Variants in RASGRF1 observed in about 807,000 individuals in gnomAD.
RASGRF1 encodes ras-specific guanine nucleotide-releasing factor 1.
RASGRF1 carries 40 observed loss-of-function variants against 138.7 expected under a neutral mutation model. The ratio of observed to expected loss-of-function variants is 0.29; its 90% confidence interval spans 0.22 to 0.38. RASGRF1 has a LOEUF of 0.38. RASGRF1 is among the 10% of genes least tolerant of loss of function. RASGRF1 has a pLI of 1.00. For missense variants in RASGRF1, 1,108 were observed against 1,650.4 expected (o/e 0.67, Z 5.69); for synonymous variants, 614 against 663.2 (o/e 0.93, Z 1.14).
intron 10 of RASGRF1, among the ~76,000 whole-genome samples, chr15:79,022,780 T>TC (rs2056979520): frequency 1.3e-5 from 2 of 152,224 alleles, no homozygotes; most frequent in South Asian, 4.1e-4. Context: ...AAGCAACATA[T>TC]TCCCTGAAGC....
intron 5 of RASGRF1, among the ~76,000 whole-genome samples, chr15:79,043,376 C>T (rs1324582068): frequency 6.6e-6 from 1 of 152,070 alleles, no homozygotes; most frequent in African/African-American, 2.4e-5. Flanking sequence ...GTGTTCCTTC[C>T]ATGTTATATT....
intron 23 of RASGRF1, chr15:78,984,598 ATCTGACGGAAGTGTCC>A (rs963860219): frequency 3.1e-5 from 8 of 254,004 alleles, no homozygotes; most frequent in Non-Finnish European, 5.5e-5. Flanking sequence ...TTGCAGGATC[ATCTGACGGAAGTGTCC>A]TCTGACGGAA....
At position 78,960,639 on chromosome 15, in the gene RASGRF1, C is replaced by T. The variant is rs1411061384; in HGVS notation, c.*1505G>A. The T allele has an allele frequency of 6.6e-6, 1 of 152,208 alleles. No homozygotes were observed. Among genetic ancestry groups the T allele is most frequent in the East Asian group, 1.9e-4 (1 of 5,204 alleles). The allele number at this position is 152,208 out of a possible 1,614,324, so 9.4% of individuals were successfully genotyped here. ...AGTGACTGAAACTTCATGAGAGACT[C>T]CAAATAAGAACTGACAGCTGGACCC... On this transcript the variant is annotated 3_prime_UTR_variant, in exon 27 of 27. Coordinates refer to ENST00000558480, the MANE Select transcript of RASGRF1 (RefSeq NM_001145648.3).
chr15:78,992,427 G>A (rs2056290511), intron 20 of RASGRF1, among the ~76,000 whole-genome samples: 1 of 152,234 alleles, frequency 6.6e-6, no homozygotes, highest in South Asian at 2.1e-4. Context: ...TCAGGGAAAC[G>A]TTAGCCAGAG....
chr15:78,969,794 A>C (rs1330045119), intron 26 of RASGRF1, among the ~76,000 whole-genome samples: 1 of 151,992 alleles, frequency 6.6e-6, no homozygotes, highest in African/African-American at 2.4e-5. Flanking sequence ...GTCATATTAT[A>C]TTTTTTGCCT....
chr15:79,079,331 T>C (rs1008821888), intron 1 of RASGRF1, among the ~76,000 whole-genome samples: 3 of 152,160 alleles, frequency 2.0e-5, no homozygotes, highest in Non-Finnish European at 4.4e-5. Context: ...TATCTGCCCT[T>C]CAGCTTCTGT....
intron 13 of RASGRF1, among the ~76,000 whole-genome samples, chr15:79,008,685 C>T (rs2056734460): frequency 6.6e-6 from 1 of 152,150 alleles, no homozygotes; most frequent in Admixed American, 6.5e-5. Flanking sequence ...TCCCCTAGAA[C>T]TCAGAGAAGG....
chr15:79,061,341 G>T (rs2057601826), intron 2 of RASGRF1, among the ~76,000 whole-genome samples: 1 of 147,882 alleles, frequency 6.8e-6, no homozygotes, highest in African/African-American at 2.5e-5. Context: ...TAAAATAATG[G>T]GTGTTGTTTC....
intron 18 of RASGRF1, 61 bp downstream of exon 18, chr15:78,998,658 G>A: frequency 2.1e-6 from 3 of 1,407,166 alleles, no homozygotes; most frequent in Non-Finnish European, 3.0e-6. Context: ...GAAGGCAGCT[G>A]GTTCCTGGGG....
At chr15:78,971,740 A>G (rs4238513) in intron 26 of RASGRF1, 126 bp downstream of exon 26, 891,854 of 895,062 alleles carry the variant, frequency 1, 444,400 homozygotes, top group East Asian at 1. Context: ...CAGGGATGGC[A>G]TTTGAGCTGG....
At chr15:79,079,433 A>C (rs1443409265) in intron 1 of RASGRF1, among the ~76,000 whole-genome samples, 1 of 143,694 alleles carries the variant, frequency 7.0e-6, no homozygotes, top group Non-Finnish European at 1.5e-5. Flanking sequence ...AAATTACCTA[A>C]ATATCCCTCA....
intron 3 of RASGRF1, among the ~76,000 whole-genome samples, chr15:79,057,848 G>A (rs1216455247): frequency 2.0e-5 from 3 of 152,218 alleles, no homozygotes; most frequent in South Asian, 2.1e-4. Flanking sequence ...GCCGCTGCAG[G>A]AGCTTTCATC....
intron 7 of RASGRF1, among the ~76,000 whole-genome samples, 166 bp from the exon 8 acceptor site, chr15:79,031,675 C>T (rs1465481790): frequency 4.7e-5 from 2 of 42,992 alleles, no homozygotes; most frequent in East Asian, 9.8e-4. Context: ...AGAGAGGTGG[C>T]GAGGGCGGGG....
At chr15:78,993,479 A>G (rs1319601083) in intron 20 of RASGRF1, among the ~76,000 whole-genome samples, 1 of 151,924 alleles carries the variant, frequency 6.6e-6, no homozygotes, top group Non-Finnish European at 1.5e-5. Context: ...ACCCAGGTGC[A>G]GGAACATGGG....
rs539890818 is a variant in RASGRF1, at chr15:79,062,951, G to A, written c.383+1469C>T. ...AGGCTTTTTTTTGTTGTTGTCGTAG[G>A]GGGGTGGGTGGGGAGAAATGAGCAT... On this transcript the variant is annotated intron_variant, in intron 2 of 26. Transcript: ENST00000558480. Among the ~76,000 whole-genome samples the A allele has an allele frequency of 1.5e-4, 23 of 151,930 alleles. No homozygotes were observed. The East Asian group carries it at 3.5e-3, about 23-fold the overall frequency.
chr15:79,026,228 C>T (rs1459980457), intron 9 of RASGRF1, among the ~76,000 whole-genome samples: 2 of 152,230 alleles, frequency 1.3e-5, no homozygotes, highest in African/African-American at 4.8e-5. Context: ...TTGGGCACAC[C>T]TCCCAGCCTG....
At chr15:78,971,959 G>A (rs748232227) in intron 25 of RASGRF1, 25 bp from the exon 26 acceptor site, 14 of 1,548,584 alleles carry the variant, frequency 9.0e-6, no homozygotes, top group Admixed American at 1.7e-5. Context: ...GAGTGTTTCA[G>A]AATGCAGTTT....
intron 23 of RASGRF1, among the ~76,000 whole-genome samples, chr15:78,983,523 G>A (rs375029485): frequency 6.6e-6 from 1 of 152,216 alleles, no homozygotes; most frequent in Admixed American, 6.5e-5. Flanking sequence ...GTTCCAGGAA[G>A]CCTAAGTGGG....
At chr15:79,029,662 T>C (rs2057109750) in intron 8 of RASGRF1, among the ~76,000 whole-genome samples, 1 of 151,870 alleles carries the variant, frequency 6.6e-6, no homozygotes, top group Non-Finnish European at 1.5e-5. Flanking sequence ...GTGGGGAGTG[T>C]TTCTGAGCGC....
Sources: allele counts gnomAD v4.1 joint callset (sites outside exome capture counted in the v4.1 genomes callset), GRCh38; gene constraint gnomAD v4.1.1; transcripts MANE v1.5; gene names NCBI Gene and HGNC (gene_info 2026-07-23, HGNC 2026-07-21).